The following SLC41A2 variants were observed in gnomAD, a reference collection of about 807,000 sequenced individuals.
SLC41A2 encodes SLC41A1-like 1.
A neutral mutation model predicts 58.3 loss-of-function variants in SLC41A2; 32 were observed. That is an observed-to-expected ratio of 0.55 (90% CI 0.41 to 0.74). The LOEUF (loss-of-function observed/expected upper bound fraction) is 0.74, where lower values mean the gene tolerates loss of function less well. Ranked by LOEUF, SLC41A2 falls within the 30% of genes least tolerant of loss-of-function variation. The pLI, the probability that SLC41A2 is intolerant of heterozygous loss-of-function variation, is 0.00. For missense variants in SLC41A2, 514 were observed against 680.6 expected (o/e 0.76, Z 2.72); for synonymous variants, 190 against 235.0 (o/e 0.81, Z 1.75).
intron 3 of SLC41A2, 25 bp from the exon 4 acceptor site, chr12:104,895,370 A>G (rs376434791): frequency 6.9e-5 from 106 of 1,530,514 alleles, no homozygotes; most frequent in Non-Finnish European, 9.1e-5. Flanking sequence ...ATTTTCATGT[A>G]TCACTGAAGA....
intron 1 of SLC41A2, among the ~76,000 whole-genome samples, chr12:104,936,391 T>C (rs569456316): frequency 1.4e-4 from 22 of 152,314 alleles, no homozygotes; most frequent in Non-Finnish European, 2.6e-4. Flanking sequence ...TATGGAGGCC[T>C]ATGCTAATGT....
chr12:104,929,068 C>T (rs118162443), intron 1 of SLC41A2, among the ~76,000 whole-genome samples: 2,123 of 152,254 alleles, frequency 0.014, 25 homozygotes, highest in Middle Eastern at 0.027. Flanking sequence ...TTGCTATACC[C>T]TTTGCATCTG....
intron 8 of SLC41A2, among the ~76,000 whole-genome samples, chr12:104,848,956 A>C (rs972220525): frequency 1.3e-5 from 2 of 152,032 alleles, no homozygotes; most frequent in Non-Finnish European, 1.5e-5. Context: ...AGGAACTGCA[A>C]ATCAATAAAT....
intron 6 of SLC41A2, among the ~76,000 whole-genome samples, 185 bp downstream of exon 6, chr12:104,886,108 C>T (rs115741069): frequency 0.013 from 2,029 of 151,738 alleles, 40 homozygotes; most frequent in African/African-American, 0.045. Context: ...TTAAACTCTA[C>T]GAGAAAAAAG....
chr12:104,870,698 T>C (rs1476074477), intron 6 of SLC41A2, among the ~76,000 whole-genome samples: 2 of 152,200 alleles, frequency 1.3e-5, no homozygotes, highest in African/African-American at 4.8e-5. Context: ...TCACATTTTA[T>C]ATTGTTGACG....
At chr12:104,894,169 C>T (rs1035706545) in intron 4 of SLC41A2, among the ~76,000 whole-genome samples, 1 of 152,008 alleles carries the variant, frequency 6.6e-6, no homozygotes, top group Non-Finnish European at 1.5e-5. Context: ...GCCTGGACTA[C>T]ATGGCGAAAC....
At chr12:104,919,901 A>ATCCTGAGATTTTC (rs1438375714) in intron 2 of SLC41A2, among the ~76,000 whole-genome samples, 1 of 152,128 alleles carries the variant, frequency 6.6e-6, no homozygotes, top group Non-Finnish European at 1.5e-5. Context: ...TTAGTCTGAA[A>ATCCTGAGATTTTC]TCCTGAGATT....
At chr12:104,866,206 C>T (rs1954520029) in intron 7 of SLC41A2, among the ~76,000 whole-genome samples, 1 of 152,102 alleles carries the variant, frequency 6.6e-6, no homozygotes, top group African/African-American at 2.4e-5. Context: ...AGGTTCTTTA[C>T]ATCTACTGAT....
intron 6 of SLC41A2, among the ~76,000 whole-genome samples, chr12:104,868,637 A>G (rs976367905): frequency 1.3e-5 from 2 of 152,262 alleles, no homozygotes; most frequent in Admixed American, 1.3e-4. Flanking sequence ...AAACTTGTAC[A>G]TTACATAAAA....
At chr12:104,817,508 A>G (rs2041459722) in intron 10 of SLC41A2, among the ~76,000 whole-genome samples, 1 of 152,084 alleles carries the variant, frequency 6.6e-6, no homozygotes, top group Non-Finnish European at 1.5e-5. Flanking sequence ...ACACAAAATC[A>G]TTGTACAGCT....
At chr12:104,848,125 T>C (rs1345463097) in intron 8 of SLC41A2, among the ~76,000 whole-genome samples, 1 of 152,198 alleles carries the variant, frequency 6.6e-6, no homozygotes, top group Non-Finnish European at 1.5e-5. Flanking sequence ...TAGAAATGAT[T>C]GGAACATGCA....
intron 10 of SLC41A2, among the ~76,000 whole-genome samples, chr12:104,815,701 G>A (rs1215692709): frequency 6.6e-6 from 1 of 152,082 alleles, no homozygotes; most frequent in Non-Finnish European, 1.5e-5. Flanking sequence ...TACAAAGGTT[G>A]AATTCATGTC....
chr12:104,853,767 A>C (rs568191053), intron 8 of SLC41A2, among the ~76,000 whole-genome samples: 4 of 148,836 alleles, frequency 2.7e-5, no homozygotes, highest in East Asian at 4.0e-4. Context: ...ATTTAGAGAC[A>C]GGGTCCTGCT....
intron 10 of SLC41A2, among the ~76,000 whole-genome samples, chr12:104,805,995 T>G (rs1432979028): frequency 6.6e-6 from 1 of 152,214 alleles, no homozygotes; most frequent in Admixed American, 6.5e-5. Flanking sequence ...CTTTGAATTT[T>G]GGGACCAGAT....
intron 2 of SLC41A2, among the ~76,000 whole-genome samples, chr12:104,918,393 T>C (rs2046427376): frequency 6.6e-6 from 1 of 152,062 alleles, no homozygotes; most frequent in African/African-American, 2.4e-5. Context: ...GCAATTAAAA[T>C]CCCCTTCATA....
chr12:104,802,855 G>T lies in SLC41A2; in HGVS notation c.*2297C>A, dbSNP rs1405002022. On this transcript the variant is annotated 3_prime_UTR_variant, in exon 11 of 11. Coordinates refer to ENST00000258538, the MANE Select transcript of SLC41A2 (RefSeq NM_001352171.3). ...CTCAGTGAATTAGTTAGGTAGTTTT[G>T]GTACATTTGGAGGGTCATAAACATG... 1 of 152,048 alleles carries T rather than the reference G, an allele frequency of 6.6e-6. No homozygotes were observed. Among genetic ancestry groups the T allele is most frequent in the Non-Finnish European group, 1.5e-5 (1 of 67,984 alleles). The allele number at this position is 152,048 out of a possible 1,614,324, so 9.4% of individuals were successfully genotyped here.
chr12:104,897,694 T>C (rs1025635048), intron 3 of SLC41A2, among the ~76,000 whole-genome samples: 8 of 152,304 alleles, frequency 5.3e-5, no homozygotes, highest in African/African-American at 1.9e-4. Context: ...AAAGCAAAGA[T>C]TTTCAGGAGT....
intron 2 of SLC41A2, 58 bp from the exon 3 acceptor site, chr12:104,909,820 C>T (rs2046002145): frequency 8.5e-7 from 1 of 1,170,708 alleles, no homozygotes; most frequent in Non-Finnish European, 1.2e-6. Flanking sequence ...TACTTTAGAA[C>T]AAAGACATTT....
intron 2 of SLC41A2, among the ~76,000 whole-genome samples, chr12:104,910,463 C>T (rs1411726099): frequency 3.3e-5 from 5 of 152,090 alleles, no homozygotes; most frequent in African/African-American, 1.2e-4. Context: ...AAATAATATC[C>T]ACCCTATCTA....
Sources: gnomAD v4.1 joint callset for allele counts (sites outside exome capture counted in the v4.1 genomes callset) on GRCh38, gnomAD v4.1.1 for gene constraint, MANE v1.5 for transcripts, NCBI Gene and HGNC (gene_info 2026-07-23, HGNC 2026-07-21) for gene names.